DENND5B: variants seen among roughly 807,000 people sequenced by gnomAD.
DENND5B encodes DENN domain-containing protein 5B.
Under a neutral mutation model 140.6 loss-of-function variants are expected in DENND5B, and 34 were observed. The observed-to-expected ratio is 0.24, with a 90% CI of 0.18 to 0.32. The LOEUF is 0.32. DENND5B is among the 10% of genes least tolerant of loss of function. The pLI, the probability that DENND5B is intolerant of heterozygous loss-of-function variation, is 1.00. For missense variants in DENND5B, 1,142 were observed against 1,560.2 expected (o/e 0.73, Z 4.52); for synonymous variants, 551 against 562.1 (o/e 0.98, Z 0.28).
At chr12:31,480,400 T>A in intron 2 of DENND5B, 145 bp from the exon 3 acceptor site, 1 of 782,306 alleles carries the variant, frequency 1.3e-6, no homozygotes, top group Non-Finnish European at 1.9e-6. Flanking sequence ...AAATTAGAAA[T>A]ATATTATAAA....
intron 1 of DENND5B, among the ~76,000 whole-genome samples, chr12:31,588,448 G>C (rs1425197905): frequency 6.6e-6 from 1 of 152,172 alleles, no homozygotes; most frequent in Non-Finnish European, 1.5e-5. Context: ...AGCACAGATT[G>C]AAAATGTAGT....
chr12:31,538,958 G>GT (rs75708833), intron 1 of DENND5B, among the ~76,000 whole-genome samples: 2,537 of 138,078 alleles, frequency 0.018, 64 homozygotes, highest in African/African-American at 0.058. Flanking sequence ...GAAACAAAAG[G>GT]TTTTTTTTTT....
chr12:31,551,672 G>C (rs1479206357), intron 1 of DENND5B, among the ~76,000 whole-genome samples: 4 of 152,046 alleles, frequency 2.6e-5, no homozygotes, highest in Non-Finnish European at 4.4e-5. Context: ...CCATTTTCAC[G>C]ATATTGATTC....
intron 3 of DENND5B, among the ~76,000 whole-genome samples, chr12:31,468,011 TGA>T (rs1354305651): frequency 6.6e-6 from 1 of 151,962 alleles, no homozygotes; most frequent in African/African-American, 2.4e-5. Flanking sequence ...CCCAGCACTT[TGA>T]GAGGCCGAGG....
chr12:31,569,448 C>G (rs1949741687), intron 1 of DENND5B, among the ~76,000 whole-genome samples: 1 of 152,122 alleles, frequency 6.6e-6, no homozygotes, highest in South Asian at 2.1e-4. Flanking sequence ...AATAGACCTT[C>G]TTTTCCACAA....
chr12:31,443,052 G>GTT, intron 6 of DENND5B, 127 bp from the exon 7 acceptor site: 2 of 815,998 alleles, frequency 2.5e-6, no homozygotes, highest in Admixed American at 2.8e-5. Flanking sequence ...TATTGTGTGT[G>GTT]TGTGTGTGTG....
intron 5 of DENND5B, among the ~76,000 whole-genome samples, chr12:31,449,796 C>A (rs1387253300): frequency 3.6e-5 from 5 of 138,654 alleles, no homozygotes; most frequent in African/African-American, 1.3e-4. Context: ...GTGGCGTGAT[C>A]TCAGCTCACT....
intron 1 of DENND5B, among the ~76,000 whole-genome samples, chr12:31,559,317 G>A (rs1405892416): frequency 4.6e-5 from 7 of 152,078 alleles, no homozygotes; most frequent in African/African-American, 1.4e-4. Flanking sequence ...AATAAAAGAG[G>A]ACACTGTCTC....
At chr12:31,480,504 TAAG>T (rs1267972954) in intron 2 of DENND5B, among the ~76,000 whole-genome samples, 1 of 152,204 alleles carries the variant, frequency 6.6e-6, no homozygotes, top group Non-Finnish European at 1.5e-5. Context: ...GGGGCTTTAC[TAAG>T]AACAAGAGAA....
intron 1 of DENND5B, among the ~76,000 whole-genome samples, chr12:31,508,285 T>C (rs1947278767): frequency 6.6e-6 from 1 of 152,094 alleles, no homozygotes; most frequent in Admixed American, 6.6e-5. Context: ...CAATACATAC[T>C]ATCACCAAAA....
chr12:31,462,944 G>A (rs1419080395), intron 3 of DENND5B, among the ~76,000 whole-genome samples: 13 of 150,950 alleles, frequency 8.6e-5, no homozygotes, highest in Admixed American at 7.9e-4. Context: ...GGGCAACAGT[G>A]AGACTCCGTC....
At chr12:31,589,494 TAAG>T (rs975408287) in intron 1 of DENND5B, among the ~76,000 whole-genome samples, 54 of 146,322 alleles carry the variant, frequency 3.7e-4, no homozygotes, top group African/African-American at 1.1e-3. Context: ...GAAGCTGAGT[TAAG>T]AAGAAGATAG....
At chr12:31,470,609 C>A (rs1407284346) in intron 3 of DENND5B, among the ~76,000 whole-genome samples, 1 of 152,094 alleles carries the variant, frequency 6.6e-6, no homozygotes, top group East Asian at 1.9e-4. Context: ...ACAAATAAAC[C>A]AAGACACCTG....
chr12:31,451,854 G>T, intron 5 of DENND5B, 86 bp downstream of exon 5: 1 of 1,453,502 alleles, frequency 6.9e-7, no homozygotes, highest in Non-Finnish European at 9.3e-7. Context: ...GTAAGCATAG[G>T]CACAGAAGAA....
chr12:31,544,629 T>C (rs973355962), intron 1 of DENND5B, among the ~76,000 whole-genome samples: 2 of 150,156 alleles, frequency 1.3e-5, no homozygotes, highest in Non-Finnish European at 2.9e-5. Flanking sequence ...AAACTGAAAT[T>C]ACAATGAAAT....
chr12:31,423,542 G>A (rs906136179), intron 11 of DENND5B, 55 bp downstream of exon 11: 11 of 1,563,820 alleles, frequency 7.0e-6, no homozygotes, highest in African/African-American at 6.8e-5. Context: ...AGGCCAAATA[G>A]TATTGAGTCT....
At chr12:31,444,202 T>C (rs1028768378) in intron 6 of DENND5B, 1 of 152,194 alleles carries the variant, frequency 6.6e-6, no homozygotes, top group African/African-American at 2.4e-5. Context: ...AATTTTGTGA[T>C]TTAAGAGAAG....
chr12:31,552,700 A>G (rs1490110501), intron 1 of DENND5B, among the ~76,000 whole-genome samples: 1 of 152,094 alleles, frequency 6.6e-6, no homozygotes, highest in East Asian at 1.9e-4. Context: ...CTGGTCCTGG[A>G]CTTTTTTTGG....
chr12:31,423,812 T>C (rs780456417), intron 10 of DENND5B, 137 bp from the exon 11 acceptor site: 75 of 770,454 alleles, frequency 9.7e-5, no homozygotes, highest in Non-Finnish European at 1.5e-4. Flanking sequence ...TGTATGACAT[T>C]CTGAGCATCT....
Sources: gnomAD v4.1 joint callset for allele counts (sites outside exome capture counted in the v4.1 genomes callset) on GRCh38, gnomAD v4.1.1 for gene constraint, MANE v1.5 for transcripts, NCBI Gene and HGNC (gene_info 2026-07-23, HGNC 2026-07-21) for gene names.